The following LARGE1 variants were observed in gnomAD, a reference collection of about 807,000 sequenced individuals.
LARGE1 encodes xylosyl- and glucuronyltransferase LARGE1.
In LARGE1, 43 loss-of-function variants were observed where a neutral mutation model predicts 87.6. That is an observed-to-expected ratio of 0.49 (90% CI 0.38 to 0.63). The LOEUF (loss-of-function observed/expected upper bound fraction) is 0.63, where lower values mean the gene tolerates loss of function less well. LARGE1 is among the 30% of genes least tolerant of loss of function. The pLI is 0.00. For synonymous variants in LARGE1, 434 were observed against 394.6 expected, an observed-to-expected ratio of 1.10 and a Z score of -1.18; for missense variants, 802 against 1,000.2, an observed-to-expected ratio of 0.80 and a Z score of 2.67.
intron 9 of LARGE1, among the ~76,000 whole-genome samples, chr22:33,356,376 A>T (rs189341682): frequency 6.6e-6 from 1 of 152,348 alleles, no homozygotes; most frequent in East Asian, 1.9e-4. Flanking sequence ...ATCCAAGGAC[A>T]CATGATGTGA....
chr22:33,845,896 T>C (rs2146458553), intron 1 of LARGE1, among the ~76,000 whole-genome samples: 1 of 152,336 alleles, frequency 6.6e-6, no homozygotes, highest in Non-Finnish European at 1.5e-5. Context: ...ATCTTTATTT[T>C]TAAATCTCAA....
At chr22:33,402,591 G>C (rs2065961146) in intron 7 of LARGE1, among the ~76,000 whole-genome samples, 1 of 152,106 alleles carries the variant, frequency 6.6e-6, no homozygotes. Context: ...GTGCTTTATG[G>C]TACTCTTCTG....
At chr22:33,488,601 T>A (rs545196052) in intron 6 of LARGE1, among the ~76,000 whole-genome samples, 1 of 152,256 alleles carries the variant, frequency 6.6e-6, no homozygotes, top group South Asian at 2.1e-4. Context: ...AGTATTATAT[T>A]TTACTAATAA....
At chr22:33,270,555 A>T (rs1928188293), downstream of LARGE1, among the ~76,000 whole-genome samples, 1 of 152,168 alleles carries the variant, frequency 6.6e-6, no homozygotes, top group South Asian at 2.1e-4. Flanking sequence ...AATGGGGATA[A>T]TAATACCTCC....
intron 2 of LARGE1, among the ~76,000 whole-genome samples, chr22:33,708,364 T>C (rs1453721507): frequency 6.6e-6 from 1 of 152,020 alleles, no homozygotes; most frequent in Non-Finnish European, 1.5e-5. Flanking sequence ...GGCCAATGCG[T>C]AGACAGAGAC....
At chr22:33,632,827 AT>A (rs1244974718) in intron 3 of LARGE1, among the ~76,000 whole-genome samples, 2 of 152,204 alleles carry the variant, frequency 1.3e-5, no homozygotes, top group African/African-American at 4.8e-5. Flanking sequence ...AAACTTGAGA[AT>A]TTATACATTT....
chr22:33,242,259 C>T (rs17721625), intron 11 of LARGE1, among the ~76,000 whole-genome samples: 3,764 of 152,158 alleles, frequency 0.025, 57 homozygotes, highest in African/African-American at 0.033. Context: ...AGTTATGTAC[C>T]TCTGGTGGAG....
chr22:33,661,586 G>T (rs1286160922), intron 2 of LARGE1, among the ~76,000 whole-genome samples: 1 of 151,924 alleles, frequency 6.6e-6, no homozygotes, highest in Admixed American at 6.6e-5. Context: ...GAGGATGAAA[G>T]ATTTCAATGG....
chr22:33,468,556 C>A (rs1284957988), intron 6 of LARGE1, among the ~76,000 whole-genome samples: 5 of 152,126 alleles, frequency 3.3e-5, no homozygotes, highest in African/African-American at 9.7e-5. Flanking sequence ...TCAATAATTC[C>A]TTTGGCAAAA....
the LARGE1 span, among the ~76,000 whole-genome samples, chr22:33,115,726 A>G: frequency 2.6e-5 from 4 of 151,912 alleles, no homozygotes; most frequent in African/African-American, 9.7e-5. Flanking sequence ...GCTGAGGCAG[A>G]AAAATTGCTT....
the LARGE1 span, among the ~76,000 whole-genome samples, chr22:33,089,348 CT>C: frequency 1.1e-5 from 1 of 90,472 alleles, no homozygotes; most frequent in Non-Finnish European, 2.2e-5. Context: ...TCTTCTTCTT[CT>C]TCTTCTTCTT....
chr22:33,119,840 AT>A, the LARGE1 span, among the ~76,000 whole-genome samples: 1 of 151,870 alleles, frequency 6.6e-6, no homozygotes, highest in African/African-American at 2.4e-5. Context: ...TAATGCTGGT[AT>A]TTTTTTCAGT....
chr22:33,535,002 T>A (rs2077000338), intron 6 of LARGE1, among the ~76,000 whole-genome samples: 1 of 152,148 alleles, frequency 6.6e-6, no homozygotes, highest in Non-Finnish European at 1.5e-5. Flanking sequence ...ATCCCAAGCA[T>A]CATTATCACA....
chr22:33,259,088 C>G (rs1211391625), intron 11 of LARGE1, among the ~76,000 whole-genome samples: 1 of 152,068 alleles, frequency 6.6e-6, no homozygotes, highest in Non-Finnish European at 1.5e-5. Context: ...CCATGTTGGC[C>G]AGGATGGTCT....
At chr22:33,300,199 C>T (rs536615338) in intron 12 of LARGE1, among the ~76,000 whole-genome samples, 1 of 152,312 alleles carries the variant, frequency 6.6e-6, no homozygotes, top group South Asian at 2.1e-4. Context: ...CTGCTTTCCT[C>T]CTCCTCTAAT....
chr22:33,685,799 C>A (rs951793308), intron 2 of LARGE1, among the ~76,000 whole-genome samples: 2 of 152,142 alleles, frequency 1.3e-5, no homozygotes, highest in African/African-American at 4.8e-5. Flanking sequence ...AACAAAACTT[C>A]AGGAAACAAA....
chr22:33,283,416 G>A (rs1930862418), intron 12 of LARGE1, 68 bp from the exon 13 acceptor site: 2 of 1,571,736 alleles, frequency 1.3e-6, no homozygotes, highest in Non-Finnish European at 1.8e-6. Context: ...TCCCCCATGA[G>A]GGCGGGGTGG....
At chr22:33,641,912 T>C (rs2080446354) in intron 3 of LARGE1, among the ~76,000 whole-genome samples, 1 of 152,180 alleles carries the variant, frequency 6.6e-6, no homozygotes, top group Non-Finnish European at 1.5e-5. Flanking sequence ...TTTATTGGTG[T>C]ACCTGAAAGT....
intron 2 of LARGE1, among the ~76,000 whole-genome samples, chr22:33,712,207 T>C (rs1448560101): frequency 6.6e-6 from 1 of 151,624 alleles, no homozygotes; most frequent in Non-Finnish European, 1.5e-5. Context: ...CCTGGAACCC[T>C]GGGGATGGGG....
Sources: gnomAD v4.1 joint callset for allele counts (sites outside exome capture counted in the v4.1 genomes callset) on GRCh38, gnomAD v4.1.1 for gene constraint, MANE v1.5 for transcripts, NCBI Gene and HGNC (gene_info 2026-07-23, HGNC 2026-07-21) for gene names.